The following SCRG1 variants were observed in gnomAD, a reference collection of about 807,000 sequenced individuals.
The protein encoded by SCRG1 is scrapie-responsive protein 1.
Under a neutral mutation model 7.7 loss-of-function variants are expected in SCRG1, and 3 were observed. That is an observed-to-expected ratio of 0.39 (90% CI 0.18 to 1.01). The LOEUF (loss-of-function observed/expected upper bound fraction) is 1.01, where lower values mean the gene tolerates loss of function less well. SCRG1 is among the 50% of genes least tolerant of loss of function. The probability of loss-of-function intolerance (pLI) is 0.36; values close to 1 mark genes in which losing one functional copy is unlikely to be tolerated. For missense variants in SCRG1, 110 were observed against 117.2 expected (o/e 0.94, Z 0.28); for synonymous variants, 46 against 41.2 (o/e 1.12, Z -0.44).
At chr4:173,394,047 T>C (rs1739526835) in intron 1 of SCRG1, among the ~76,000 whole-genome samples, 1 of 152,112 alleles carries the variant, frequency 6.6e-6, no homozygotes, top group African/African-American at 2.4e-5. Flanking sequence ...TATAGTTATA[T>C]ATTGTTTTTT....
At chr4:173,514,436 C>T in the SCRG1 span, among the ~76,000 whole-genome samples, 1 of 152,214 alleles carries the variant, frequency 6.6e-6, no homozygotes, top group Admixed American at 6.5e-5. Context: ...CAGAGCACTC[C>T]CCTTCACATA....
chr4:173,459,471 C>CT, the SCRG1 span, among the ~76,000 whole-genome samples: 4 of 152,128 alleles, frequency 2.6e-5, no homozygotes, highest in Non-Finnish European at 5.9e-5. Flanking sequence ...TCTTGAAACT[C>CT]TTGAATACAT....
the SCRG1 span, among the ~76,000 whole-genome samples, chr4:173,416,984 C>T: frequency 7.0e-6 from 1 of 143,274 alleles, no homozygotes; most frequent in Non-Finnish European, 1.5e-5. Flanking sequence ...CACACACACA[C>T]CCCACACACA....
chr4:173,485,435 C>T, the SCRG1 span, among the ~76,000 whole-genome samples: 1 of 151,052 alleles, frequency 6.6e-6, no homozygotes, highest in Admixed American at 6.7e-5. Context: ...GGCCATTCAG[C>T]CTCATGTAAG....
At chr4:173,482,483 G>T in the SCRG1 span, among the ~76,000 whole-genome samples, 2 of 152,000 alleles carry the variant, frequency 1.3e-5, no homozygotes, top group African/African-American at 4.8e-5. Context: ...CCATTGATCT[G>T]GGCTGGCCTT....
the SCRG1 span, among the ~76,000 whole-genome samples, chr4:173,511,432 GTTTGT>G: frequency 3.6e-4 from 54 of 152,110 alleles, no homozygotes; most frequent in South Asian, 6.9e-3. This position sits in a 1 kb window ranked among gnomAD's most constrained non-coding sequence, Gnocchi z 5.2. Flanking sequence ...TTTTTTGTTT[GTTTGT>G]TTTGTTTTGT....
the SCRG1 span, among the ~76,000 whole-genome samples, chr4:173,432,328 T>G: frequency 7.6e-6 from 1 of 131,214 alleles, no homozygotes; most frequent in Non-Finnish European, 1.6e-5. Context: ...CCTTCCTTCC[T>G]TCCTTCCTTC....
At chr4:173,465,959 T>C in the SCRG1 span, among the ~76,000 whole-genome samples, 1 of 152,134 alleles carries the variant, frequency 6.6e-6, no homozygotes, top group South Asian at 2.1e-4. Flanking sequence ...GAGTGTCATT[T>C]CCTTTTCTCC....
the SCRG1 span, among the ~76,000 whole-genome samples, chr4:173,489,687 G>A: frequency 8.2e-4 from 125 of 152,258 alleles, 3 homozygotes; most frequent in East Asian, 0.023. Flanking sequence ...CTGAGTCAGT[G>A]TGAATTAATT....
chr4:173,511,166 G>T, the SCRG1 span, among the ~76,000 whole-genome samples: 1 of 151,972 alleles, frequency 6.6e-6, no homozygotes, highest in African/African-American at 2.4e-5. This position sits in a 1 kb window ranked among gnomAD's most constrained non-coding sequence, Gnocchi z 5.2. Flanking sequence ...CGGGGTGGGG[G>T]GGTGTTTCAC....
the SCRG1 span, among the ~76,000 whole-genome samples, chr4:173,510,709 C>A: frequency 6.6e-6 from 1 of 152,054 alleles, no homozygotes. This position sits in a 1 kb window ranked among gnomAD's most constrained non-coding sequence, Gnocchi z 5.7. Context: ...AGTGACGTAG[C>A]GCGCCAAAAC....
At chr4:173,424,897 TTAAAATAAAA>T in the SCRG1 span, among the ~76,000 whole-genome samples, 1,921 of 130,878 alleles carry the variant, frequency 0.015, 42 homozygotes, top group African/African-American at 0.048. Context: ...AGACTCCATC[TTAAAATAAAA>T]TAAAATAAAA....
At chr4:173,427,530 C>A in the SCRG1 span, among the ~76,000 whole-genome samples, 5 of 152,332 alleles carry the variant, frequency 3.3e-5, no homozygotes, top group East Asian at 3.9e-4. Context: ...ATGCCGTGAT[C>A]TTGAGATAAT....
the SCRG1 span, among the ~76,000 whole-genome samples, chr4:173,477,240 G>T: frequency 6.6e-6 from 1 of 152,106 alleles, no homozygotes; most frequent in Admixed American, 6.5e-5. Context: ...AGAATGAAAA[G>T]ACCCTGCCAC....
At chr4:173,402,155 A>T (rs995328018), upstream of SCRG1, among the ~76,000 whole-genome samples, 3 of 152,228 alleles carry the variant, frequency 2.0e-5, no homozygotes, top group Non-Finnish European at 4.4e-5. Context: ...TTTATGTGAC[A>T]TAGAGCTTCT....
At chr4:173,473,804 G>A in the SCRG1 span, among the ~76,000 whole-genome samples, 4 of 152,128 alleles carry the variant, frequency 2.6e-5, no homozygotes, top group Admixed American at 6.6e-5. Context: ...TCCCGATGGC[G>A]GTTATATGAC....
rs1183343129 is a variant in SCRG1 at position 173,386,071 on chromosome 4, A to G, written c.*2270T>C. On this transcript the variant is annotated 3_prime_UTR_variant, in exon 3 of 3. Transcript: ENST00000296506. ...ACCTACCTATCTATATTATTTTACA[A>G]TTTCACTTCATGTATTTTATAGGAG... The G allele has an allele frequency of 1.3e-5, 2 of 152,102 alleles. No individual in the cohort carries two copies. Among genetic ancestry groups the G allele is most frequent in the East Asian group, 1.9e-4 (1 of 5,196 alleles). The allele number at this position is 152,102 out of a possible 1,614,324, so 9.4% of individuals were successfully genotyped here.
chr4:173,444,696 C>A, the SCRG1 span, among the ~76,000 whole-genome samples: 1 of 152,100 alleles, frequency 6.6e-6, no homozygotes. Context: ...CTAGTGGGGA[C>A]CTCTAGGAAA....
the SCRG1 span, among the ~76,000 whole-genome samples, chr4:173,478,556 T>G: frequency 6.6e-6 from 1 of 152,156 alleles, no homozygotes. Flanking sequence ...CAGTGTTAGC[T>G]TTTCCTCTTG....
Sources: allele counts gnomAD v4.1 joint callset (sites outside exome capture counted in the v4.1 genomes callset), GRCh38; gene constraint gnomAD v4.1.1; non-coding constraint Gnocchi (gnomAD v3.1); transcripts MANE v1.5; gene names NCBI Gene and HGNC (gene_info 2026-07-23, HGNC 2026-07-21).